ESRRG: variants seen among roughly 807,000 people sequenced by gnomAD.
ESRRG encodes the protein estrogen-related receptor gamma.
In ESRRG, 13 loss-of-function variants were observed where a neutral mutation model predicts 44.0. That is an observed-to-expected ratio of 0.30 (90% CI 0.19 to 0.47). The LOEUF (loss-of-function observed/expected upper bound fraction) is 0.47. ESRRG is among the 20% of genes least tolerant of loss of function. The probability of loss-of-function intolerance (pLI) is 1.00; values close to 1 mark genes in which losing one functional copy is unlikely to be tolerated. For missense variants in ESRRG, 395 were observed against 580.6 expected (o/e 0.68, Z 3.29); for synonymous variants, 215 against 214.6 (o/e 1.00, Z -0.02).
intron 1 of ESRRG, among the ~76,000 whole-genome samples, chr1:217,080,336 C>T (rs1396077760): frequency 1.3e-5 from 2 of 152,066 alleles, no homozygotes; most frequent in African/African-American, 2.4e-5. Context: ...TACCCAAAAT[C>T]GTCCTCACAG....
intron 5 of ESRRG, among the ~76,000 whole-genome samples, chr1:216,520,861 G>C (rs574142768): frequency 6.6e-6 from 1 of 152,210 alleles, no homozygotes; most frequent in Non-Finnish European, 1.5e-5. Flanking sequence ...GCTGCTTATG[G>C]TCACTGTTGC....
chr1:216,644,875 A>T (rs2067217865), intron 3 of ESRRG, among the ~76,000 whole-genome samples: 1 of 152,202 alleles, frequency 6.6e-6, no homozygotes, highest in Non-Finnish European at 1.5e-5. Flanking sequence ...GCCATTTAAA[A>T]TTATATAAGC....
intron 2 of ESRRG, among the ~76,000 whole-genome samples, chr1:216,755,143 T>C (rs1195024202): frequency 6.6e-6 from 1 of 152,068 alleles, no homozygotes; most frequent in African/African-American, 2.4e-5. Context: ...TCTACTGTTT[T>C]CTTTGAATAA....
At chr1:216,891,788 T>C (rs1319275927) in intron 2 of ESRRG, among the ~76,000 whole-genome samples, 1 of 147,756 alleles carries the variant, frequency 6.8e-6, no homozygotes, top group Non-Finnish European at 1.5e-5. Flanking sequence ...CTTAGTGTGG[T>C]GCCCGCTTTT....
At chr1:216,964,965 A>G (rs995099700) in intron 1 of ESRRG, among the ~76,000 whole-genome samples, 2 of 152,214 alleles carry the variant, frequency 1.3e-5, no homozygotes, top group African/African-American at 4.8e-5. Flanking sequence ...TTAATAGTTC[A>G]ATAAATTTCA....
chr1:216,519,101 A>G (rs778015179), intron 6 of ESRRG, 51 bp downstream of exon 6: 2 of 1,548,618 alleles, frequency 1.3e-6, no homozygotes, highest in Admixed American at 1.8e-5. Context: ...GGAGAGGGGT[A>G]AAACTGACAT....
intron 2 of ESRRG, among the ~76,000 whole-genome samples, chr1:216,817,620 A>C (rs1478885110): frequency 6.6e-6 from 1 of 152,212 alleles, no homozygotes; most frequent in Non-Finnish European, 1.5e-5. Flanking sequence ...AACATCTAAT[A>C]TTCCATTTTT....
intron 1 of ESRRG, among the ~76,000 whole-genome samples, chr1:217,095,966 A>T (rs981760153): frequency 6.6e-6 from 1 of 152,272 alleles, no homozygotes; most frequent in African/African-American, 2.4e-5. Flanking sequence ...TCAGTAAATT[A>T]GTGATGGCTT....
chr1:216,983,800 T>A (rs1560361421), intron 1 of ESRRG, among the ~76,000 whole-genome samples: 2 of 151,688 alleles, frequency 1.3e-5, no homozygotes, highest in Non-Finnish European at 2.9e-5. Context: ...CAAGTTATTA[T>A]AAAAAATGCA....
chr1:216,726,907 T>C (rs1217906264), upstream of ESRRG, among the ~76,000 whole-genome samples: 1 of 152,210 alleles, frequency 6.6e-6, no homozygotes, highest in Admixed American at 6.5e-5. Flanking sequence ...GGAAGATTCC[T>C]CTAGTCATAT....
At chr1:216,510,069 T>G (rs2042270536) in intron 6 of ESRRG, among the ~76,000 whole-genome samples, 1 of 152,222 alleles carries the variant, frequency 6.6e-6, no homozygotes, top group African/African-American at 2.4e-5. Flanking sequence ...CCAGCTAAAC[T>G]TAATGGATAT....
intron 3 of ESRRG, among the ~76,000 whole-genome samples, chr1:216,569,880 T>A (rs1280900677): frequency 6.6e-6 from 1 of 152,180 alleles, no homozygotes; most frequent in Admixed American, 6.6e-5. Context: ...AAGAGGAAGC[T>A]ACATAGCACA....
intron 2 of ESRRG, among the ~76,000 whole-genome samples, chr1:216,937,303 A>T (rs981615774): frequency 2.0e-5 from 3 of 152,160 alleles, no homozygotes; most frequent in Non-Finnish European, 4.4e-5. Context: ...GTATTAAAGT[A>T]CCAATGATAT....
At chr1:216,726,834 A>T (rs377081197), upstream of ESRRG, among the ~76,000 whole-genome samples, 196 of 152,338 alleles carry the variant, frequency 1.3e-3, 1 homozygote, top group African/African-American at 4.4e-3. Context: ...CAAGCAGAGA[A>T]TATACTTCAT....
intron 5 of ESRRG, among the ~76,000 whole-genome samples, chr1:216,560,774 G>A (rs1411063877): frequency 1.3e-5 from 2 of 152,136 alleles, no homozygotes; most frequent in African/African-American, 4.8e-5. Context: ...AGAGATTAGA[G>A]GCGACAGCGT....
chr1:216,701,868 C>T (rs542786895), intron 1 of ESRRG, among the ~76,000 whole-genome samples: 2 of 152,272 alleles, frequency 1.3e-5, no homozygotes, highest in East Asian at 1.9e-4. Context: ...TATTAGAGAG[C>T]AGTATTTAAA....
chr1:216,644,431 T>C (rs1374741770), intron 3 of ESRRG, among the ~76,000 whole-genome samples: 4 of 145,812 alleles, frequency 2.7e-5, no homozygotes, highest in East Asian at 2.1e-4. Context: ...TTCTTTCTTT[T>C]TTTTTTTTTT....
In ESRRG at chr1:216,594,875, C is replaced by T. The variant is rs554450231; in HGVS notation, c.590-26777G>A. ...AAAACAATTGCAATGCAAAGAAATT[C>T]GTCTTTAGTGGTAGAACTTTGGGAC... is the stretch of plus-strand genomic sequence containing the variant. On this transcript the variant is annotated intron_variant, in intron 3 of 6. Coordinates refer to ENST00000408911, the MANE Select transcript of ESRRG (RefSeq NM_001438.4). 5.6e-4 allele frequency among the ~76,000 whole-genome samples: 85 copies of T among 152,274 alleles called. 1 individual carries two copies. Among genetic ancestry groups the T allele is most frequent in the African/African-American group, 1.8e-3 (75 of 41,558 alleles).
intron 1 of ESRRG, among the ~76,000 whole-genome samples, chr1:217,001,601 C>T (rs919689275): frequency 1.3e-5 from 2 of 152,100 alleles, no homozygotes; most frequent in African/African-American, 4.8e-5. Context: ...AAGAATATTT[C>T]AAGTAGAGGA....
Sources: gnomAD v4.1 joint callset for allele counts (sites outside exome capture counted in the v4.1 genomes callset) on GRCh38, gnomAD v4.1.1 for gene constraint, MANE v1.5 for transcripts, NCBI Gene and HGNC (gene_info 2026-07-23, HGNC 2026-07-21) for gene names.